Variants in RBBP8 observed in about 807,000 individuals in gnomAD.
RBBP8 encodes the protein RB binding protein 8, endonuclease.
A neutral mutation model predicts 108.3 loss-of-function variants in RBBP8; 88 were observed. The observed-to-expected ratio is 0.81, with a 90% CI of 0.68 to 0.97. The LOEUF (loss-of-function observed/expected upper bound fraction) is 0.97, where lower values mean the gene tolerates loss of function less well. Ranked by LOEUF, RBBP8 falls within the 50% of genes least tolerant of loss-of-function variation. The pLI is 0.00. For missense variants in RBBP8, 1,023 were observed against 1,049.0 expected (o/e 0.98, Z 0.34); for synonymous variants, 332 against 348.2 (o/e 0.95, Z 0.52).
In RBBP8 at chr18:22,994,014, CT is replaced by C. The variant is rs777055614; in HGVS notation, c.1939+191del. ...ACATTTTACCGGTGATTTTTCTGTT[CT>C]TTTTTTTTTTTTTTTTTTTTTTTGA... On this transcript the variant is annotated intron_variant, in intron 12 of 18. Coordinates refer to ENST00000327155, the MANE Select transcript of RBBP8 (RefSeq NM_002894.3). Among the ~76,000 whole-genome samples, 641 of 75,084 alleles carry C rather than the reference CT, an allele frequency of 8.5e-3. 2 individuals carry two copies. Among genetic ancestry groups the C allele is most frequent in the South Asian group, 0.023 (40 of 1,708 alleles). The allele number at this position is 75,084 out of a possible 152,430, so 49.3% of individuals were successfully genotyped here.
At chr18:22,966,955 A>G (rs1913658231) in intron 4 of RBBP8, among the ~76,000 whole-genome samples, 1 of 151,982 alleles carries the variant, frequency 6.6e-6, no homozygotes, top group African/African-American at 2.4e-5. Flanking sequence ...TTAACACCTG[A>G]CCTCAGGTGA....
chr18:22,932,381 A>C (rs1056456832), upstream of RBBP8, among the ~76,000 whole-genome samples: 10 of 152,178 alleles, frequency 6.6e-5, no homozygotes, highest in African/African-American at 2.2e-4. Flanking sequence ...TGTGGAGTTA[A>C]GTCTTATAAA....
chr18:22,983,469 A>G (rs1235614434), intron 7 of RBBP8, among the ~76,000 whole-genome samples: 4 of 152,246 alleles, frequency 2.6e-5, no homozygotes, highest in African/African-American at 9.6e-5. Context: ...AAAATGTAAA[A>G]TCATAGATCT....
At chr18:22,984,597 A>G (rs1009079109) in intron 7 of RBBP8, among the ~76,000 whole-genome samples, 8 of 152,212 alleles carry the variant, frequency 5.3e-5, no homozygotes, top group Non-Finnish European at 1.2e-4. Context: ...AAATATAAAA[A>G]GAGAAGTAAC....
intron 5 of RBBP8, among the ~76,000 whole-genome samples, chr18:22,973,914 T>G (rs1914311227): frequency 6.6e-6 from 1 of 152,200 alleles, no homozygotes; most frequent in Admixed American, 6.5e-5. Flanking sequence ...AAAACATGTT[T>G]ATGTAGTATC....
intron 6 of RBBP8, among the ~76,000 whole-genome samples, chr18:22,978,494 A>G (rs1214536360): frequency 6.6e-6 from 1 of 152,044 alleles, no homozygotes; most frequent in African/African-American, 2.4e-5. Context: ...ACCTCTAGTT[A>G]GAGCTAGTTT....
chr18:22,948,062 G>C (rs541884501), intron 3 of RBBP8, among the ~76,000 whole-genome samples: 1 of 152,114 alleles, frequency 6.6e-6, no homozygotes, highest in South Asian at 2.1e-4. Flanking sequence ...CTCCTTAAGA[G>C]TGAAAATGTA....
At chr18:22,914,484 G>A (rs932462059) in intron 1 of RBBP8, among the ~76,000 whole-genome samples, 2 of 152,080 alleles carry the variant, frequency 1.3e-5, no homozygotes, top group African/African-American at 4.8e-5. Flanking sequence ...TTGCATAAAG[G>A]TTATTTGGTA....
At chr18:22,921,462 G>A (rs1909591277) in intron 3 of RBBP8, among the ~76,000 whole-genome samples, 1 of 152,188 alleles carries the variant, frequency 6.6e-6, no homozygotes, top group African/African-American at 2.4e-5. Context: ...AGGACAGAAA[G>A]TCAGGTGAGG....
In RBBP8 at chr18:22,975,086, T is replaced by G; in HGVS notation, c.362-67T>G. 5.4e-6 allele frequency: 8 copies of G among 1,483,484 alleles called. No homozygotes were observed. The South Asian group carries it at 1.0e-4, about 19-fold the overall frequency. 91.9% of individuals were successfully genotyped at this position (1,483,484 alleles called of 1,614,324 possible). A position where few individuals can be genotyped will look rare whatever the true frequency, so the allele number is the denominator to read the frequency against. ...TCTTCATACATGCTGACATATTTTATTTGAAAGCCTAACATAGATGTTAAT... is the reference window on the plus strand; with the variant it reads ...TCTTCATACATGCTGACATATTTTAGTTGAAAGCCTAACATAGATGTTAAT... On this transcript the variant is annotated intron_variant, in intron 5 of 18. Coordinates refer to ENST00000327155, the MANE Select transcript of RBBP8 (RefSeq NM_002894.3).
At chr18:22,995,934 A>G (rs1171155904) in intron 12 of RBBP8, among the ~76,000 whole-genome samples, 1 of 152,198 alleles carries the variant, frequency 6.6e-6, no homozygotes, top group East Asian at 1.9e-4. Context: ...CCATATGCCA[A>G]TTCTACATTT....
At chr18:22,964,627 T>C (rs1913412109) in intron 4 of RBBP8, among the ~76,000 whole-genome samples, 1 of 150,898 alleles carries the variant, frequency 6.6e-6, no homozygotes, top group African/African-American at 2.4e-5. Flanking sequence ...TTTTAATTTT[T>C]AATTTTTATT....
intron 6 of RBBP8, among the ~76,000 whole-genome samples, chr18:22,980,889 A>T (rs1294823935): frequency 1.4e-5 from 2 of 146,176 alleles, no homozygotes; most frequent in Non-Finnish European, 3.0e-5. Flanking sequence ...AAATTTTTTA[A>T]TATATTTGTA....
intron 16 of RBBP8, among the ~76,000 whole-genome samples, chr18:23,015,018 T>C (rs1190026895): frequency 2.6e-5 from 4 of 152,146 alleles, no homozygotes; most frequent in African/African-American, 9.7e-5. Context: ...CCTGAGTACC[T>C]GGGACTATAG....
chr18:22,953,933 G>A (rs1444048559), intron 4 of RBBP8, among the ~76,000 whole-genome samples: 3 of 151,986 alleles, frequency 2.0e-5, no homozygotes, highest in Non-Finnish European at 4.4e-5. Context: ...GCAGGAAGAA[G>A]TGCCAAGCAA....
chr18:22,982,905 A>G (rs987811695), intron 7 of RBBP8, among the ~76,000 whole-genome samples: 1 of 152,222 alleles, frequency 6.6e-6, no homozygotes, highest in Non-Finnish European at 1.5e-5. Context: ...TCAAAATTCA[A>G]ATACAGATCT....
At chr18:22,929,644 A>G (rs1376682771), upstream of RBBP8, among the ~76,000 whole-genome samples, 1 of 152,002 alleles carries the variant, frequency 6.6e-6, no homozygotes, top group Non-Finnish European at 1.5e-5. Context: ...GGCCTCCCAC[A>G]GCGTTGAGGT....
At chr18:22,957,581 G>T (rs1488290767) in intron 4 of RBBP8, among the ~76,000 whole-genome samples, 2 of 151,982 alleles carry the variant, frequency 1.3e-5, no homozygotes, top group African/African-American at 4.8e-5. Flanking sequence ...TGCCTTTTGT[G>T]GAATTGCCCT....
chr18:23,003,325 T>G (rs1049164415), intron 15 of RBBP8, among the ~76,000 whole-genome samples: 1 of 152,232 alleles, frequency 6.6e-6, no homozygotes, highest in Admixed American at 6.5e-5. Context: ...CTTCAAACGT[T>G]TTTATTTTTC....
Sources: allele counts gnomAD v4.1 joint callset (sites outside exome capture counted in the v4.1 genomes callset), GRCh38; gene constraint gnomAD v4.1.1; transcripts MANE v1.5; gene names NCBI Gene and HGNC (gene_info 2026-07-23, HGNC 2026-07-21).